The following BBS12 variants were observed in gnomAD, a reference collection of about 807,000 sequenced individuals.
The protein encoded by BBS12 is chaperonin-containing T-complex member BBS12.
Under a neutral mutation model 5.6 loss-of-function variants are expected in BBS12, and 5 were observed. The ratio of observed to expected loss-of-function variants is 0.89; its 90% CI spans 0.46 to 1.86. The LOEUF (loss-of-function observed/expected upper bound fraction) is 1.86, where lower values mean the gene tolerates loss of function less well. Among genes scored for constraint, BBS12 ranks in the 40% most tolerant of loss-of-function variants. The pLI, the probability that BBS12 is intolerant of heterozygous loss-of-function variation, is 0.01. For missense variants in BBS12, 748 were observed against 830.4 expected (o/e 0.90, Z 1.22); for synonymous variants, 308 against 306.8 (o/e 1.00, Z -0.04).
intron 1 of BBS12, among the ~76,000 whole-genome samples, chr4:122,741,385 C>T (rs1358486514): frequency 1.3e-5 from 2 of 152,166 alleles, no homozygotes. Flanking sequence ...CGAGGTTTCG[C>T]CATATTGGCC....
At chr4:122,704,675 T>C in the BBS12 span, among the ~76,000 whole-genome samples, 12 of 152,236 alleles carry the variant, frequency 7.9e-5, no homozygotes, top group African/African-American at 2.9e-4. Flanking sequence ...TTCTCTCTCA[T>C]GTTTGGCTTT....
the BBS12 span, among the ~76,000 whole-genome samples, chr4:122,712,359 A>G: frequency 6.6e-6 from 1 of 152,254 alleles, no homozygotes; most frequent in Admixed American, 6.5e-5. Context: ...CTTGCAGCAT[A>G]ATGGGAGAGA....
chr4:122,705,692 A>G, the BBS12 span, among the ~76,000 whole-genome samples: 1 of 152,334 alleles, frequency 6.6e-6, no homozygotes, highest in South Asian at 2.1e-4. Flanking sequence ...TAGAACTCTG[A>G]GAGGACCATC....
chr4:122,707,970 TTC>T, the BBS12 span, among the ~76,000 whole-genome samples: 409 of 149,588 alleles, frequency 2.7e-3, 11 homozygotes, highest in East Asian at 0.025. Flanking sequence ...CCTTCCTTCC[TTC>T]CTTTCTTTCT....
chr4:122,706,265 T>C, the BBS12 span, among the ~76,000 whole-genome samples: 3 of 152,192 alleles, frequency 2.0e-5, no homozygotes, highest in African/African-American at 7.2e-5. Flanking sequence ...GAGCCTATGG[T>C]TCCCATGATT....
the BBS12 span, among the ~76,000 whole-genome samples, chr4:122,715,581 C>G: frequency 1.3e-5 from 2 of 152,212 alleles, no homozygotes; most frequent in South Asian, 2.1e-4. Flanking sequence ...TCTTCCACCA[C>G]GAAACACTCC....
At chr4:122,732,396 G>T (rs1800708703), upstream of BBS12, 1 of 152,200 alleles carries the variant, frequency 6.6e-6, no homozygotes, top group Non-Finnish European at 1.5e-5. Flanking sequence ...GGCCCCAGCA[G>T]AAGGTTACAG....
At chr4:122,726,870 A>T in the BBS12 span, among the ~76,000 whole-genome samples, 3 of 152,214 alleles carry the variant, frequency 2.0e-5, no homozygotes, top group Non-Finnish European at 2.9e-5. Flanking sequence ...ACCAAACATC[A>T]TATGTTCTCA....
the BBS12 span, among the ~76,000 whole-genome samples, chr4:122,714,999 G>A: frequency 3.3e-5 from 5 of 152,022 alleles, no homozygotes; most frequent in South Asian, 2.1e-4. Flanking sequence ...CCAGATACCC[G>A]ATGAGATTCT....
At position 122,744,382 on chromosome 4, in the gene BBS12, A is replaced by G. The variant is rs1800955146; in HGVS notation, c.*357A>G. ...GGGCCCATGATGAAAGCCTGCACAC[A>G]GTGGGTTATGTTGTAAGCTTGGGTT... On this transcript the variant is annotated 3_prime_UTR_variant, in exon 2 of 2. Transcript: ENST00000314218. The G allele has an allele frequency of 4.0e-6, 1 of 251,008 alleles. No homozygotes were observed. Among genetic ancestry groups the G allele is most frequent in the Non-Finnish European group, 8.3e-6 (1 of 120,352 alleles). The allele number at this position is 251,008 out of a possible 1,614,324, so 15.5% of individuals were successfully genotyped here. A position where few individuals can be genotyped will look rare whatever the true frequency, so the allele number is the denominator to read the frequency against.
chr4:122,730,031 T>A (rs1435328466), upstream of BBS12: 2 of 152,176 alleles, frequency 1.3e-5, no homozygotes, highest in Non-Finnish European at 2.9e-5. Context: ...CACTATAGAG[T>A]CAAACTTACA....
the BBS12 span, among the ~76,000 whole-genome samples, chr4:122,700,652 C>G: frequency 6.6e-6 from 1 of 152,136 alleles, no homozygotes; most frequent in Admixed American, 6.5e-5. Flanking sequence ...AACCGGTGCG[C>G]AGTAAAACTG....
the BBS12 span, among the ~76,000 whole-genome samples, chr4:122,721,424 T>C: frequency 6.6e-6 from 1 of 152,226 alleles, no homozygotes; most frequent in South Asian, 2.1e-4. Flanking sequence ...AGGAATTAAA[T>C]GTTAACCGTA....
At chr4:122,739,683 G>A (rs992933727) in intron 1 of BBS12, among the ~76,000 whole-genome samples, 32 of 152,256 alleles carry the variant, frequency 2.1e-4, no homozygotes, top group Admixed American at 2.0e-3. Context: ...AGACAGCTTC[G>A]GAGGGTATGG....
chr4:122,703,307 GTC>G, the BBS12 span, among the ~76,000 whole-genome samples: 1 of 150,250 alleles, frequency 6.7e-6, no homozygotes, highest in Admixed American at 6.6e-5. Context: ...TTGCCCTGCA[GTC>G]TCTCTCTCTC....
the BBS12 span, among the ~76,000 whole-genome samples, chr4:122,714,712 T>C: frequency 1.3e-5 from 2 of 151,926 alleles, no homozygotes; most frequent in East Asian, 1.9e-4. Flanking sequence ...CATACAACAG[T>C]TGAAATGAAT....
In BBS12 at chr4:122,742,550, C is replaced by A; in HGVS notation, c.658C>A (p.Leu220Met). 1 of 1,614,196 alleles carries A rather than the reference C, an allele frequency of 6.2e-7. No individual in the cohort carries two copies. The highest frequency in any genetic ancestry group is 1.1e-5 in the South Asian group (1 of 91,088). Residue 220 changes from leucine to methionine, a missense_variant, in exon 2 of 2, where the codon CTG becomes ATG. Leu to Met is a conservative substitution (Grantham distance 15). Coordinates refer to ENST00000314218, the MANE Select transcript of BBS12 (RefSeq NM_152618.3). ...CACATCACGAACTCTGAAAAACAGC[C>A]TGCTTGCAGATACCTGCTGCAGACA... ...NNTSRTLKNS[L>M]LADTCCRQSI...
chr4:122,722,735 T>C, the BBS12 span, among the ~76,000 whole-genome samples: 1 of 152,200 alleles, frequency 6.6e-6, no homozygotes, highest in Non-Finnish European at 1.5e-5. Context: ...ACAACCTTAC[T>C]TTCAGCAATC....
chr4:122,739,611 C>T (rs1438529749), intron 1 of BBS12, among the ~76,000 whole-genome samples: 2 of 152,240 alleles, frequency 1.3e-5, no homozygotes, highest in Non-Finnish European at 2.9e-5. Context: ...GAGCACAAAC[C>T]TTTGTGTGGC....
Sources: gnomAD v4.1 joint callset for allele counts (sites outside exome capture counted in the v4.1 genomes callset) on GRCh38, gnomAD v4.1.1 for gene constraint, MANE v1.5 for transcripts, NCBI Gene and HGNC (gene_info 2026-07-23, HGNC 2026-07-21) for gene names.